CSMD3: variants seen among roughly 807,000 people sequenced by gnomAD.
CSMD3 encodes the protein CUB and Sushi multiple domains 3, also known as CUB and sushi domain-containing protein 3.
A neutral mutation model predicts 435.2 loss-of-function variants in CSMD3; 177 were observed. The ratio of observed to expected loss-of-function variants is 0.41; its 90% confidence interval spans 0.36 to 0.46. CSMD3 has a LOEUF of 0.46. CSMD3 is among the 20% of genes least tolerant of loss of function. The pLI, the probability that CSMD3 is intolerant of heterozygous loss-of-function variation, is 0.34. For synonymous variants in CSMD3, 1,656 were observed against 1,520.5 expected (o/e 1.09, Z -2.07); for missense variants, 4,265 against 4,504.6 (o/e 0.95, Z 1.52).
At chr8:112,295,588 A>G (rs1820180102) in intron 54 of CSMD3, among the ~76,000 whole-genome samples, 1 of 151,598 alleles carries the variant, frequency 6.6e-6, no homozygotes, top group Admixed American at 6.6e-5. Flanking sequence ...TCAATATTAT[A>G]TATTTATATT....
intron 49 of CSMD3, among the ~76,000 whole-genome samples, chr8:112,312,183 T>C (rs73700618): frequency 0.035 from 5,285 of 152,298 alleles, 308 homozygotes; most frequent in African/African-American, 0.12. Context: ...GATATTTACA[T>C]TGTTTATATT....
chr8:113,266,367 G>A (rs965353003), intron 3 of CSMD3, among the ~76,000 whole-genome samples: 33 of 151,132 alleles, frequency 2.2e-4, no homozygotes, highest in African/African-American at 7.5e-4. Flanking sequence ...TGCATTTTAT[G>A]TTACCTATTG....
At chr8:112,842,150 G>C (rs1446153153) in intron 11 of CSMD3, among the ~76,000 whole-genome samples, 16 of 151,688 alleles carry the variant, frequency 1.1e-4, no homozygotes, top group Admixed American at 1.1e-3. Context: ...AGGTAGCTGG[G>C]GTAGGAGACA....
chr8:112,601,208 C>T (rs536648855), intron 22 of CSMD3, among the ~76,000 whole-genome samples: 1 of 152,088 alleles, frequency 6.6e-6, no homozygotes, highest in South Asian at 2.1e-4. Context: ...CACACCTTAT[C>T]TGAAGGTGAT....
At chr8:112,724,750 A>C (rs1303292342) in intron 13 of CSMD3, among the ~76,000 whole-genome samples, 2 of 152,068 alleles carry the variant, frequency 1.3e-5, no homozygotes, top group Non-Finnish European at 1.5e-5. Context: ...TGAAGGAGTG[A>C]ATGTGAGAGA....
At chr8:112,310,693 A>G (rs1821892854) in intron 50 of CSMD3, 2 of 463,780 alleles carry the variant, frequency 4.3e-6, no homozygotes, top group South Asian at 4.1e-5. Flanking sequence ...TAATTGTCTT[A>G]AAACAAAGTA....
At chr8:113,328,276 A>G (rs2093999295) in intron 1 of CSMD3, among the ~76,000 whole-genome samples, 1 of 151,198 alleles carries the variant, frequency 6.6e-6, no homozygotes, top group South Asian at 2.1e-4. Context: ...GTCTCTACTA[A>G]AAATACAAAA....
intron 27 of CSMD3, among the ~76,000 whole-genome samples, chr8:112,545,511 A>AAAT (rs1563685281): frequency 7.0e-6 from 1 of 142,180 alleles, no homozygotes; most frequent in African/African-American, 2.7e-5. Flanking sequence ...AAATAATAAT[A>AAAT]ATAATAATAA....
intron 1 of CSMD3, among the ~76,000 whole-genome samples, chr8:113,370,415 T>A (rs939382920): frequency 3.3e-5 from 5 of 151,314 alleles, no homozygotes; most frequent in Admixed American, 1.3e-4. Context: ...TGATTAGGTT[T>A]TTTTTTTTTA....
intron 27 of CSMD3, among the ~76,000 whole-genome samples, chr8:112,542,408 A>G (rs1421342709): frequency 6.6e-6 from 1 of 151,828 alleles, no homozygotes; most frequent in Non-Finnish European, 1.5e-5. Context: ...TCATATATAG[A>G]AAATCCTAAA....
At chr8:112,353,166 G>GGATC (rs1243334528) in intron 38 of CSMD3, among the ~76,000 whole-genome samples, 2 of 152,234 alleles carry the variant, frequency 1.3e-5, no homozygotes, top group African/African-American at 4.8e-5. Flanking sequence ...TGAGGTGGGT[G>GGATC]GATCACCTGT....
At chr8:112,932,181 T>G (rs548731585) in intron 9 of CSMD3, among the ~76,000 whole-genome samples, 1 of 152,214 alleles carries the variant, frequency 6.6e-6, no homozygotes, top group Non-Finnish European at 1.5e-5. Flanking sequence ...AGCTGAGATA[T>G]GAAATCAATC....
intron 13 of CSMD3, among the ~76,000 whole-genome samples, chr8:112,748,218 A>G (rs2132089169): frequency 6.6e-6 from 1 of 152,334 alleles, no homozygotes; most frequent in East Asian, 1.9e-4. Context: ...GGAAAAAATC[A>G]GTAAGGCTGA....
At chr8:112,586,977 CAT>C (rs1211679191) in intron 23 of CSMD3, 87 bp downstream of exon 23, 34 of 840,834 alleles carry the variant, frequency 4.0e-5, no homozygotes, top group Middle Eastern at 3.4e-4. Context: ...TATACATACA[CAT>C]ATATATATAG....
chr8:112,626,326 G>T (rs749760581), intron 22 of CSMD3, among the ~76,000 whole-genome samples: 1 of 151,930 alleles, frequency 6.6e-6, no homozygotes, highest in Non-Finnish European at 1.5e-5. Context: ...GTCCTAGTTT[G>T]TTCCAATGTC....
At chr8:113,253,848 A>G (rs1285169243) in intron 3 of CSMD3, among the ~76,000 whole-genome samples, 34 of 151,972 alleles carry the variant, frequency 2.2e-4, no homozygotes, top group Admixed American at 3.9e-4. Flanking sequence ...AAAAAAAAAA[A>G]AAAAGAAAAG....
At chr8:113,124,201 G>C (rs766559388) in intron 4 of CSMD3, among the ~76,000 whole-genome samples, 3 of 151,960 alleles carry the variant, frequency 2.0e-5, no homozygotes, top group Non-Finnish European at 2.9e-5. Context: ...AGTAAAGCAA[G>C]AGTGGGGTAA....
chr8:112,498,070 C>T (rs1799593259), intron 30 of CSMD3, among the ~76,000 whole-genome samples: 1 of 152,022 alleles, frequency 6.6e-6, no homozygotes, highest in East Asian at 1.9e-4. Flanking sequence ...GTATTTCTCT[C>T]TACCTATACT....
At chr8:113,358,745 C>T (rs1554619700) in intron 1 of CSMD3, among the ~76,000 whole-genome samples, 1 of 151,952 alleles carries the variant, frequency 6.6e-6, no homozygotes, top group Non-Finnish European at 1.5e-5. Context: ...AGAAAAAAAG[C>T]ATACTGTATA....
Sources: gnomAD v4.1 joint callset for allele counts (sites outside exome capture counted in the v4.1 genomes callset) on GRCh38, gnomAD v4.1.1 for gene constraint, MANE v1.5 for transcripts, NCBI Gene and HGNC (gene_info 2026-07-23, HGNC 2026-07-21) for gene names.